Variants in CCNT2 observed in about 807,000 individuals in gnomAD.
The protein encoded by CCNT2 is cyclin-T2.
CCNT2 carries 18 observed loss-of-function variants against 70.0 expected under a neutral mutation model. The ratio of observed to expected loss-of-function variants is 0.26; its 90% confidence interval spans 0.18 to 0.38. CCNT2 has a LOEUF of 0.38. Ranked by LOEUF, CCNT2 falls within the 10% of genes least tolerant of loss-of-function variation. The probability of loss-of-function intolerance (pLI) is 1.00; values close to 1 mark genes in which losing one functional copy is unlikely to be tolerated. For missense variants in CCNT2, 734 were observed against 890.2 expected, an observed-to-expected ratio of 0.82 and a Z score of 2.23; for synonymous variants, 334 against 313.3, an observed-to-expected ratio of 1.07 and a Z score of -0.70.
chr2:134,928,270 A>ATTTTTTTTTTTTTTTTTTTTTTTT (rs1680442850), intron 2 of CCNT2, among the ~76,000 whole-genome samples: 3 of 77,982 alleles, frequency 3.8e-5, no homozygotes, highest in Non-Finnish European at 4.7e-5. Context: ...CTCACATTGT[A>ATTTTTTTTTTTTTTTTTTTTTTTT]TTTCTTTTTT....
At chr2:134,922,085 G>T (rs914660530) in intron 2 of CCNT2, among the ~76,000 whole-genome samples, 3 of 152,172 alleles carry the variant, frequency 2.0e-5, no homozygotes, top group African/African-American at 2.4e-5. Context: ...GGCAAAGGGG[G>T]TGGTCTGAAA....
intron 7 of CCNT2, among the ~76,000 whole-genome samples, 161 bp from the exon 8 acceptor site, chr2:134,952,480 C>T (rs901091543): frequency 1.3e-5 from 2 of 151,878 alleles, no homozygotes; most frequent in African/African-American, 2.4e-5. Context: ...TTGAAAATGC[C>T]GGTTGAGAGT....
intron 2 of CCNT2, among the ~76,000 whole-genome samples, chr2:134,921,209 T>C (rs1222576688): frequency 6.6e-6 from 1 of 152,190 alleles, no homozygotes; most frequent in Non-Finnish European, 1.5e-5. Flanking sequence ...TACGTAACCC[T>C]GGATAATAAT....
rs577406279 is a variant in CCNT2, at chr2:134,918,917, G to A, written c.63G>A (p.Thr21=). ...WFFTREQLEN[T]PSRRCGVEAD... Reference sequence around the variant, plus strand: ...TTACTCGGGAACAGCTGGAGAACACGCCGAGCCGCCGCTGCGGAGTGGAGG... The same window carrying A: ...TTACTCGGGAACAGCTGGAGAACACACCGAGCCGCCGCTGCGGAGTGGAGG... The change falls in exon 1 of 9, where the codon ACG becomes ACA. Residue 21 remains threonine (T), a synonymous_variant. Coordinates refer to ENST00000264157, the MANE Select transcript of CCNT2 (RefSeq NM_058241.3). 6.3e-5 allele frequency: 101 copies of A among 1,614,026 alleles called. No individual in the cohort carries two copies. The South Asian group carries it at 1.1e-3, about 17-fold the overall frequency.
At position 134,954,051 on chromosome 2, in the gene CCNT2, A is replaced by G. The variant is rs928373395; in HGVS notation, c.1596A>G (p.Ser532=). Residue 532 remains serine, a synonymous_variant, in exon 9 of 9, where the codon TCA becomes TCG. Coordinates refer to ENST00000264157, the MANE Select transcript of CCNT2 (RefSeq NM_058241.3). The part of the protein sequence containing the change: ...ELKMKIKVSS[S]ERHSSSDEGS... ...AAATGAAAATAAAAGTTTCTTCTTC[A>G]GAAAGACACAGCTCTTCTGATGAAG... 1.9e-6 allele frequency: 3 copies of G among 1,614,200 alleles called. No individual in the cohort carries two copies.
intron 1 of CCNT2, 23 bp from the exon 2 acceptor site, chr2:134,919,787 A>G (rs773527040): frequency 2.5e-5 from 40 of 1,573,446 alleles, no homozygotes; most frequent in Non-Finnish European, 3.5e-5. Context: ...TTTGTCAGAT[A>G]TTTCCTAAAT....
At chr2:134,945,551 G>GT (rs1681891511) in intron 5 of CCNT2, 2 of 985,076 alleles carry the variant, frequency 2.0e-6, no homozygotes, top group Admixed American at 6.2e-5. Flanking sequence ...TCCTGTATCT[G>GT]TACCCGTATG....
intron 1 of CCNT2, among the ~76,000 whole-genome samples, chr2:134,919,323 G>A (rs1013837365): frequency 2.0e-5 from 3 of 152,188 alleles, no homozygotes; most frequent in Admixed American, 6.5e-5. Flanking sequence ...GCAGAAAAGG[G>A]GCGGCTCCCT....
intron 5 of CCNT2, chr2:134,945,827 A>C (rs1310269579): frequency 2.1e-6 from 3 of 1,444,734 alleles, no homozygotes; most frequent in East Asian, 3.1e-5. Context: ...TAGATGCTTA[A>C]CTTAGTAACA....
chr2:134,925,617 G>GT (rs1680237151), intron 2 of CCNT2, among the ~76,000 whole-genome samples: 1 of 152,012 alleles, frequency 6.6e-6, no homozygotes, highest in Non-Finnish European at 1.5e-5. Context: ...TTTTCTTGCT[G>GT]TACTACCCAT....
intron 7 of CCNT2, among the ~76,000 whole-genome samples, chr2:134,951,784 C>G (rs1682523555): frequency 6.6e-6 from 1 of 152,172 alleles, no homozygotes; most frequent in Non-Finnish European, 1.5e-5. Flanking sequence ...ATATGATTAT[C>G]AAAACTAGGA....
At position 134,953,870 on chromosome 2, in the gene CCNT2, C is replaced by T. The variant is rs750562070; in HGVS notation, c.1415C>T (p.Ala472Val). Residue 472 changes from alanine to valine, a missense_variant, in exon 9 of 9, where the codon GCA (alanine) becomes GTA (valine). Transcript: ENST00000264157. Reference sequence around the variant, plus strand: ...CAGCACAAACAAGGGCAGTCACAGGCAGCCAGCAGCAGTTCTGTTACTTCT... The same window carrying T: ...CAGCACAAACAAGGGCAGTCACAGGTAGCCAGCAGCAGTTCTGTTACTTCT... ...EQQHKQGQSQ[A>V]ASSSSVTSPI... The T allele has an allele frequency of 6.2e-7, 1 of 1,614,078 alleles. No homozygotes were observed. The highest frequency in any genetic ancestry group is 2.2e-5 in the East Asian group (1 of 44,888).
At chr2:134,945,732 T>C (rs1681910176) in intron 5 of CCNT2, 2 of 1,288,530 alleles carry the variant, frequency 1.6e-6, no homozygotes, top group Non-Finnish European at 2.0e-6. Context: ...TCTTTGTATT[T>C]TGTATTAGAC....
chr2:134,934,604 A>C (rs1681017550), intron 2 of CCNT2, among the ~76,000 whole-genome samples: 1 of 152,222 alleles, frequency 6.6e-6, no homozygotes, highest in South Asian at 2.1e-4. Flanking sequence ...TTATCTAAAA[A>C]GGTGTTTTGT....
Position 134,953,830 on chromosome 2 carries a change from G to A in CCNT2, c.1375G>A (p.Ala459Thr). The A allele has an allele frequency of 6.2e-7, 1 of 1,614,082 alleles. No individual in the cohort carries two copies. The highest frequency in any genetic ancestry group is 8.5e-7 in the Non-Finnish European group (1 of 1,179,978). ...DLDVRDHYIA[A>T]QVEQQHKQGQ... ...CGATGTAAGGGATCATTATATAGCT[G>A]CCCAGGTAGAACAGCAGCACAAACA... The change falls in exon 9 of 9, where the codon GCC becomes ACC. Residue 459 changes from alanine (A) to threonine (T), a missense_variant. Coordinates refer to ENST00000264157, the MANE Select transcript of CCNT2 (RefSeq NM_058241.3).
At chr2:134,929,613 C>CAGAGAG (rs140163816) in intron 2 of CCNT2, among the ~76,000 whole-genome samples, 1,669 of 117,652 alleles carry the variant, frequency 0.014, 72 homozygotes, top group African/African-American at 0.054. Flanking sequence ...GTCTCAAAAA[C>CAGAGAG]AGAGAGAGAG....
At chr2:134,934,597 T>C (rs1681016658) in intron 2 of CCNT2, among the ~76,000 whole-genome samples, 1 of 152,216 alleles carries the variant, frequency 6.6e-6, no homozygotes, top group African/African-American at 2.4e-5. Flanking sequence ...AAAATATTTA[T>C]CTAAAAAGGT....
At chr2:134,936,530 G>A (rs1423811431) in intron 2 of CCNT2, among the ~76,000 whole-genome samples, 1 of 152,066 alleles carries the variant, frequency 6.6e-6, no homozygotes, top group African/African-American at 2.4e-5. Flanking sequence ...GAGGCAGATG[G>A]ATCACCTGAG....
intron 2 of CCNT2, among the ~76,000 whole-genome samples, chr2:134,924,947 C>T (rs141261219): frequency 1.8e-4 from 27 of 152,142 alleles, no homozygotes; most frequent in South Asian, 8.3e-4. Flanking sequence ...GTAGAGTTTC[C>T]AACTGTCTGA....
Sources: gnomAD v4.1 joint callset for allele counts (sites outside exome capture counted in the v4.1 genomes callset) on GRCh38, gnomAD v4.1.1 for gene constraint, MANE v1.5 for transcripts, NCBI Gene and HGNC (gene_info 2026-07-23, HGNC 2026-07-21) for gene names.